SNTG1: variants seen among roughly 807,000 people sequenced by gnomAD.
SNTG1 encodes the protein gamma-1-syntrophin.
In SNTG1, 39 loss-of-function variants were observed where a neutral mutation model predicts 74.7. The ratio of observed to expected loss-of-function variants is 0.52; its 90% CI spans 0.40 to 0.68. The LOEUF is 0.68. Among genes scored for constraint, SNTG1 ranks in the 30% least tolerant of loss-of-function variants. The pLI is 0.00. For missense variants in SNTG1, 685 were observed against 609.5 expected, an observed-to-expected ratio of 1.12 and a Z score of -1.30; for synonymous variants, 254 against 217.1, an observed-to-expected ratio of 1.17 and a Z score of -1.49.
At chr8:50,292,968 G>T (rs2089189795) in intron 2 of SNTG1, among the ~76,000 whole-genome samples, 1 of 152,094 alleles carries the variant, frequency 6.6e-6, no homozygotes, top group Admixed American at 6.6e-5. Flanking sequence ...GGACCTGAGG[G>T]AAGACACAGT....
chr8:50,366,049 C>T (rs1449820870), intron 2 of SNTG1, among the ~76,000 whole-genome samples: 4 of 152,118 alleles, frequency 2.6e-5, no homozygotes, highest in South Asian at 2.1e-4. Context: ...CAATTTATCA[C>T]CTGAGTATTT....
At chr8:50,187,329 A>T (rs2083420995) in intron 2 of SNTG1, among the ~76,000 whole-genome samples, 1 of 152,052 alleles carries the variant, frequency 6.6e-6, no homozygotes, top group African/African-American at 2.4e-5. Context: ...ATATAGACCA[A>T]TGGAACAGAA....
intron 2 of SNTG1, among the ~76,000 whole-genome samples, chr8:50,265,348 C>T (rs1330216887): frequency 6.6e-6 from 1 of 152,008 alleles, no homozygotes; most frequent in African/African-American, 2.4e-5. Context: ...TCTAATACAT[C>T]ATATTATTGG....
rs1190908842 is a variant in SNTG1 at position 50,742,959 on chromosome 8, C to T, written c.1285-9042C>T. 2.6e-5 allele frequency among the ~76,000 whole-genome samples: 4 copies of T among 151,498 alleles called. No individual in the cohort carries two copies. In the East Asian group the frequency reaches 7.8e-4, roughly 29 times the overall value. ...TAAATTCCTGGAAATATACACACTG[C>T]CAAAAGTGAATGAATCTGTAGCTAT... On this transcript the variant is annotated intron_variant, in intron 17 of 18. Transcript: ENST00000642720.
At chr8:50,382,644 AT>A (rs1278034880) in intron 2 of SNTG1, among the ~76,000 whole-genome samples, 2 of 152,138 alleles carry the variant, frequency 1.3e-5, no homozygotes, top group Admixed American at 6.5e-5. Flanking sequence ...CAATATTTCA[AT>A]TTTTTTAAAA....
intron 1 of SNTG1, among the ~76,000 whole-genome samples, chr8:50,055,873 G>A (rs950236364): frequency 1.4e-4 from 22 of 152,034 alleles, no homozygotes; most frequent in African/African-American, 5.3e-4. Flanking sequence ...TTGTTTGATA[G>A]ACTTAATAGG....
chr8:50,546,243 T>C (rs889999528), intron 11 of SNTG1, among the ~76,000 whole-genome samples: 4 of 150,612 alleles, frequency 2.7e-5, no homozygotes, highest in Non-Finnish European at 5.9e-5. Context: ...TAAAAAAAAG[T>C]TTGTAAGAAG....
chr8:50,174,201 T>A (rs554964764), intron 2 of SNTG1, among the ~76,000 whole-genome samples: 2 of 152,240 alleles, frequency 1.3e-5, no homozygotes, highest in Non-Finnish European at 2.9e-5. Flanking sequence ...TATTCCATGA[T>A]GTACATGTAC....
chr8:50,231,126 C>CA (rs1221543009), intron 2 of SNTG1, among the ~76,000 whole-genome samples: 8 of 151,268 alleles, frequency 5.3e-5, no homozygotes, highest in African/African-American at 1.7e-4. Context: ...ACAGATACAT[C>CA]AAAAAAATTC....
At chr8:50,421,768 T>C (rs1447314553) in intron 4 of SNTG1, among the ~76,000 whole-genome samples, 1 of 152,030 alleles carries the variant, frequency 6.6e-6, no homozygotes, top group Non-Finnish European at 1.5e-5. Flanking sequence ...TATTCATTAA[T>C]AGGAAAAAAG....
chr8:50,401,224 C>T (rs1290311394), intron 3 of SNTG1, among the ~76,000 whole-genome samples: 3 of 152,058 alleles, frequency 2.0e-5, no homozygotes, highest in African/African-American at 7.3e-5. Context: ...TTCCTATGGA[C>T]TTTTTGGTGC....
intron 18 of SNTG1, among the ~76,000 whole-genome samples, chr8:50,786,742 A>G (rs766284347): frequency 6.6e-6 from 1 of 152,054 alleles, no homozygotes; most frequent in Non-Finnish European, 1.5e-5. Context: ...GAATGTGGAA[A>G]GGAACAGGTT....
intron 13 of SNTG1, among the ~76,000 whole-genome samples, chr8:50,611,386 A>C (rs1316932827): frequency 6.6e-6 from 1 of 152,182 alleles, no homozygotes; most frequent in African/African-American, 2.4e-5. Flanking sequence ...AGAGGGTAGG[A>C]GGATTAAAAT....
intron 2 of SNTG1, among the ~76,000 whole-genome samples, chr8:50,259,416 T>G (rs746966402): frequency 6.6e-6 from 1 of 150,898 alleles, no homozygotes; most frequent in Non-Finnish European, 1.5e-5. Flanking sequence ...GGAGAATCAC[T>G]TGAACCTGGG....
Position 50,154,435 on chromosome 8 carries a change from T to C in SNTG1, c.-102-18126T>C, listed in dbSNP as rs191027851. Among the ~76,000 whole-genome samples, 455 of 152,142 alleles carry C rather than the reference T, an allele frequency of 3.0e-3. 2 individuals are homozygous for C. Among genetic ancestry groups the C allele is most frequent in the Non-Finnish European group, 4.4e-3 (302 of 67,998 alleles). On this transcript the variant is annotated intron_variant, in intron 1 of 18. Coordinates refer to ENST00000642720, the MANE Select transcript of SNTG1 (RefSeq NM_018967.5). Reference sequence around the variant, plus strand: ...CACACTCGGTGGGCTACATCCACTGTCCTACCCCCACTGTCCAACGTGCCC... The same window carrying C: ...CACACTCGGTGGGCTACATCCACTGCCCTACCCCCACTGTCCAACGTGCCC...
intron 1 of SNTG1, among the ~76,000 whole-genome samples, chr8:50,003,973 A>C (rs1814980444): frequency 6.6e-6 from 1 of 152,096 alleles, no homozygotes; most frequent in Non-Finnish European, 1.5e-5. Flanking sequence ...AATGATCCAA[A>C]GTTTTGTTAG....
intron 2 of SNTG1, among the ~76,000 whole-genome samples, chr8:50,384,732 A>G (rs2092546949): frequency 6.6e-6 from 1 of 152,172 alleles, no homozygotes; most frequent in South Asian, 2.1e-4. Flanking sequence ...GAAACTCCCC[A>G]TGAGACCATA....
intron 9 of SNTG1, among the ~76,000 whole-genome samples, chr8:50,511,721 G>C (rs1437823748): frequency 6.6e-6 from 1 of 152,094 alleles, no homozygotes; most frequent in African/African-American, 2.4e-5. Context: ...TGTTTTATCA[G>C]AGACTAGGAT....
chr8:50,708,812 A>G, intron 16 of SNTG1, 74 bp from the exon 17 acceptor site: 1 of 908,306 alleles, frequency 1.1e-6, no homozygotes, highest in Non-Finnish European at 1.8e-6. Flanking sequence ...TTATTGCAGA[A>G]GCTGTAACAT....
Sources: gnomAD v4.1 joint callset for allele counts (sites outside exome capture counted in the v4.1 genomes callset) on GRCh38, gnomAD v4.1.1 for gene constraint, MANE v1.5 for transcripts, NCBI Gene and HGNC (gene_info 2026-07-23, HGNC 2026-07-21) for gene names.